DTWD2: variants seen among roughly 807,000 people sequenced by gnomAD.
DTWD2 encodes the protein tRNA-uridine aminocarboxypropyltransferase 2.
A neutral mutation model predicts 31.8 loss-of-function variants in DTWD2; 39 were observed. The observed-to-expected ratio is 1.22, with a 90% CI of 0.95 to 1.60. The LOEUF (loss-of-function observed/expected upper bound fraction) is 1.60, where lower values mean the gene tolerates loss of function less well. Among genes scored for constraint, DTWD2 ranks in the 40% most tolerant of loss-of-function variants. The pLI is 0.00. For synonymous variants in DTWD2, 180 were observed against 142.8 expected (o/e 1.26, Z -1.86); for missense variants, 515 against 381.5 (o/e 1.35, Z -2.92).
At chr5:118,891,476 C>T (rs747913620) in intron 4 of DTWD2, among the ~76,000 whole-genome samples, 2 of 152,134 alleles carry the variant, frequency 1.3e-5, no homozygotes, top group Non-Finnish European at 2.9e-5. Context: ...ACTGTGACAG[C>T]TGTGGTAAGA....
intron 1 of DTWD2, among the ~76,000 whole-genome samples, chr5:118,975,115 G>C (rs1755120323): frequency 6.6e-6 from 1 of 152,198 alleles, no homozygotes; most frequent in South Asian, 2.1e-4. Flanking sequence ...ATCCTGAAGA[G>C]TGTTTTCCAA....
In DTWD2 at chr5:118,840,559, A is replaced by C. The variant is rs1751686697; in HGVS notation, c.*358T>G. On this transcript the variant is annotated 3_prime_UTR_variant, in exon 6 of 6. Transcript: ENST00000510708. ...TATTGGTCTACACCTAATTATTTATAAACATTAATGGACACAACACCGTTC... is the reference window on the plus strand; with the variant it reads ...TATTGGTCTACACCTAATTATTTATCAACATTAATGGACACAACACCGTTC... The C allele has an allele frequency of 6.4e-6, 1 of 156,908 alleles. No homozygotes were observed. Among genetic ancestry groups the C allele is most frequent in the African/African-American group, 2.4e-5 (1 of 41,566 alleles). The allele number at this position is 156,908 out of a possible 1,614,324, so 9.7% of individuals were successfully genotyped here.
chr5:118,849,927 G>C (rs907494877), intron 4 of DTWD2, among the ~76,000 whole-genome samples: 1 of 151,948 alleles, frequency 6.6e-6, no homozygotes, highest in African/African-American at 2.4e-5. Context: ...ACCTAATGTA[G>C]ATGATGGGTT....
chr5:118,968,899 G>T (rs940755553), intron 1 of DTWD2, among the ~76,000 whole-genome samples: 1 of 152,306 alleles, frequency 6.6e-6, no homozygotes, highest in African/African-American at 2.4e-5. Flanking sequence ...CTGGCCAGTG[G>T]CAGGAAGCTG....
intron 4 of DTWD2, among the ~76,000 whole-genome samples, chr5:118,897,418 T>C (rs1447018545): frequency 6.6e-6 from 1 of 152,200 alleles, no homozygotes; most frequent in Non-Finnish European, 1.5e-5. Context: ...AATTTCAGAC[T>C]CCCAGAAGAA....
At chr5:118,921,483 G>A (rs1461002947) in intron 4 of DTWD2, among the ~76,000 whole-genome samples, 2 of 148,268 alleles carry the variant, frequency 1.3e-5, no homozygotes, top group African/African-American at 5.0e-5. Flanking sequence ...TCACACCCGT[G>A]TACTCCAGTC....
At position 118,839,668 on chromosome 5, in the gene DTWD2, T is replaced by G. The variant is rs915701120; in HGVS notation, c.*1249A>C. 3.7e-4 allele frequency: 56 copies of G among 152,332 alleles called. No homozygotes were observed. Among genetic ancestry groups the G allele is most frequent in the African/African-American group, 1.3e-3 (55 of 41,578 alleles). 9.4% of individuals were successfully genotyped at this position (152,332 alleles called of 1,614,324 possible). On this transcript the variant is annotated 3_prime_UTR_variant, in exon 6 of 6. Coordinates refer to ENST00000510708, the MANE Select transcript of DTWD2 (RefSeq NM_173666.4). ...TGAGCTAATGGGCCCAGCCCTAATT[T>G]GTTTTTAAATCCAAAAATAAATCAA...
chr5:118,915,432 T>C (rs558849456), intron 4 of DTWD2, among the ~76,000 whole-genome samples: 3 of 150,482 alleles, frequency 2.0e-5, no homozygotes, highest in East Asian at 2.0e-4. Flanking sequence ...TGGAGTGCAG[T>C]GGCGCAATCT....
Position 118,964,931 on chromosome 5 carries a change from C to T in DTWD2, c.219-20282G>A, listed in dbSNP as rs572803522. Among the ~76,000 whole-genome samples, 16 of 152,158 alleles carry T rather than the reference C, an allele frequency of 1.1e-4. No individual in the cohort carries two copies. The East Asian group carries it at 2.0e-3, about 19-fold the overall frequency. On this transcript the variant is annotated intron_variant, in intron 1 of 5. Transcript: ENST00000510708. ...CTGGGATGTGAGGAGCCCCTCTGCC[C>T]GGCTGCCCAGTCTGGGAAGTGAGGA...
At chr5:118,860,860 C>T (rs935510282) in intron 4 of DTWD2, among the ~76,000 whole-genome samples, 3 of 152,150 alleles carry the variant, frequency 2.0e-5, no homozygotes. Context: ...GATTAATGGT[C>T]TTTTCACTTT....
chr5:118,947,688 A>G (rs1248375491), intron 1 of DTWD2, among the ~76,000 whole-genome samples: 1 of 152,168 alleles, frequency 6.6e-6, no homozygotes, highest in Non-Finnish European at 1.5e-5. Context: ...TTTGGGGCAT[A>G]GTTCCAGGCT....
chr5:118,925,391 C>T (rs915527018), intron 4 of DTWD2, among the ~76,000 whole-genome samples: 5 of 152,098 alleles, frequency 3.3e-5, no homozygotes, highest in African/African-American at 1.2e-4. Flanking sequence ...AAAAATCTAC[C>T]AGGTACCTAT....
At chr5:118,898,462 A>C (rs1753130192) in intron 4 of DTWD2, among the ~76,000 whole-genome samples, 1 of 151,712 alleles carries the variant, frequency 6.6e-6, no homozygotes, top group Non-Finnish European at 1.5e-5. Context: ...GTTCAAGACC[A>C]GCCTGGCCAA....
chr5:118,939,898 G>C (rs1309891333), intron 2 of DTWD2, among the ~76,000 whole-genome samples: 2 of 152,128 alleles, frequency 1.3e-5, no homozygotes, highest in Non-Finnish European at 2.9e-5. Context: ...GTACAAATTA[G>C]AGTCCAGAAT....
rs1250680879 is a variant in DTWD2 at position 118,917,774 on chromosome 5, C to T, written c.597+10763G>A. 2.0e-5 allele frequency among the ~76,000 whole-genome samples: 3 copies of T among 152,218 alleles called. No homozygotes were observed. The East Asian group carries it at 5.8e-4, about 29-fold the overall frequency. ...ATCACTTGAGGTCAAGAGTTCGAGA[C>T]CAGAGTGACAAACATGGTGAAACCT... On this transcript the variant is annotated intron_variant, in intron 4 of 5. Coordinates refer to ENST00000510708, the MANE Select transcript of DTWD2 (RefSeq NM_173666.4).
chr5:118,872,883 G>C (rs1354450749), intron 4 of DTWD2, among the ~76,000 whole-genome samples: 2 of 152,166 alleles, frequency 1.3e-5, no homozygotes, highest in East Asian at 1.9e-4. Context: ...TCCCACAGAG[G>C]GACTGGAATG....
intron 3 of DTWD2, among the ~76,000 whole-genome samples, chr5:118,938,808 CAA>C (rs373505051): frequency 2.2e-4 from 6 of 27,876 alleles, no homozygotes; most frequent in African/African-American, 3.4e-4. Context: ...AGAACCCTAC[CAA>C]AAAAAAAAAA....
At chr5:118,951,561 G>T (rs192416531) in intron 1 of DTWD2, among the ~76,000 whole-genome samples, 40 of 152,256 alleles carry the variant, frequency 2.6e-4, no homozygotes, top group Middle Eastern at 3.4e-3. Context: ...ACATTTTCTG[G>T]CTATTTGGAA....
chr5:118,880,690 T>C (rs566951409), intron 4 of DTWD2, among the ~76,000 whole-genome samples: 1 of 152,282 alleles, frequency 6.6e-6, no homozygotes, highest in South Asian at 2.1e-4. Flanking sequence ...TATTTATTTT[T>C]TACATATAAA....
Sources: gnomAD v4.1 joint callset for allele counts (sites outside exome capture counted in the v4.1 genomes callset) on GRCh38, gnomAD v4.1.1 for gene constraint, MANE v1.5 for transcripts, NCBI Gene and HGNC (gene_info 2026-07-23, HGNC 2026-07-21) for gene names.